Variants in WLS observed in about 807,000 individuals in gnomAD.
WLS encodes the protein Wnt ligand secretion mediator.
In WLS, 23 loss-of-function variants were observed where a neutral mutation model predicts 62.8. The ratio of observed to expected loss-of-function variants is 0.37; its 90% confidence interval spans 0.26 to 0.52. The LOEUF is 0.52. Ranked by LOEUF, WLS falls within the 20% of genes least tolerant of loss-of-function variation. The pLI is 0.92. For synonymous variants in WLS, 246 were observed against 244.1 expected, an observed-to-expected ratio of 1.01 and a Z score of -0.07; for missense variants, 615 against 697.3, an observed-to-expected ratio of 0.88 and a Z score of 1.33.
intron 11 of WLS, among the ~76,000 whole-genome samples, chr1:68,114,970 C>T (rs1646272056): frequency 6.6e-6 from 1 of 152,204 alleles, no homozygotes; most frequent in Non-Finnish European, 1.5e-5. Flanking sequence ...CAGCACAGTG[C>T]TGGACTGCAG....
intron 11 of WLS, among the ~76,000 whole-genome samples, chr1:68,116,292 C>A (rs1402850304): frequency 6.6e-6 from 1 of 152,184 alleles, no homozygotes; most frequent in Non-Finnish European, 1.5e-5. Context: ...GCATACACTT[C>A]TTATGGATGA....
chr1:68,162,351 T>C (rs1646989756), intron 2 of WLS: 20 of 1,613,936 alleles, frequency 1.2e-5, no homozygotes, highest in Non-Finnish European at 1.7e-5. Context: ...GGTGGTTATG[T>C]TCGTTGAGAT....
chr1:68,115,407 A>G (rs565214622), intron 11 of WLS, among the ~76,000 whole-genome samples: 1 of 152,348 alleles, frequency 6.6e-6, no homozygotes, highest in South Asian at 2.1e-4. Context: ...TTCACGAGGC[A>G]GTCCCTGGGG....
Position 68,154,660 on chromosome 1 carries a change from A to T in WLS, c.666+439T>A, listed in dbSNP as rs1337530691. On this transcript the variant is annotated intron_variant, in intron 4 of 11. Transcript: ENST00000262348. ...TGTGTCTCTACACAATTCTTGTGGGACTTTGTTGAGATTGAAAAGAAATGG... is the reference window on the plus strand; with the variant it reads ...TGTGTCTCTACACAATTCTTGTGGGTCTTTGTTGAGATTGAAAAGAAATGG... 1.3e-5 allele frequency among the ~76,000 whole-genome samples: 2 copies of T among 152,212 alleles called. 1 individual carries two copies. The highest frequency in any genetic ancestry group is 2.9e-5 in the Non-Finnish European group (2 of 68,038).
intron 2 of WLS, among the ~76,000 whole-genome samples, chr1:68,168,016 C>T (rs1177330811): frequency 1.3e-5 from 2 of 152,074 alleles, no homozygotes; most frequent in Non-Finnish European, 1.5e-5. Context: ...ACTGCCCTGC[C>T]CTGCTTGAGA....
chr1:68,231,840 G>C, intron 1 of WLS: 1 of 428,208 alleles, frequency 2.3e-6, no homozygotes, highest in Non-Finnish European at 4.3e-6. Context: ...GGAAAAGGGG[G>C]GGAACGCGGG....
In WLS at chr1:68,226,720, G is replaced by A. The variant is rs116099962; in HGVS notation, c.106+5474C>T. On this transcript the variant is annotated intron_variant, in intron 1 of 11. Coordinates refer to ENST00000262348, the MANE Select transcript of WLS (RefSeq NM_024911.7). ...CTCTTTACCAACCCCGTGTCGGCATGTAGCCCCATCCTGAGCACACAGTAC... is the reference window on the plus strand; with the variant it reads ...CTCTTTACCAACCCCGTGTCGGCATATAGCCCCATCCTGAGCACACAGTAC... 3.6e-3 allele frequency among the ~76,000 whole-genome samples: 544 copies of A among 152,250 alleles called. 3 individuals are homozygous for A. Among genetic ancestry groups the A allele is most frequent in the African/African-American group, 0.012 (515 of 41,522 alleles).
At chr1:68,132,078 T>C (rs1442638623) in intron 11 of WLS, among the ~76,000 whole-genome samples, 2 of 152,182 alleles carry the variant, frequency 1.3e-5, no homozygotes, top group Non-Finnish European at 2.9e-5. Flanking sequence ...AGAAGGTAAC[T>C]GAGATGTCCC....
At chr1:68,140,108 A>G (rs2566786) in intron 10 of WLS, among the ~76,000 whole-genome samples, 97,106 of 152,106 alleles carry the variant, frequency 0.64, 31,193 homozygotes, top group Non-Finnish European at 0.68. Context: ...TACATGAAAC[A>G]CATTATTTAG....
intron 11 of WLS, among the ~76,000 whole-genome samples, chr1:68,112,872 C>T (rs1293235486): frequency 6.6e-6 from 1 of 152,236 alleles, no homozygotes; most frequent in Non-Finnish European, 1.5e-5. Flanking sequence ...TCTTCCTGGC[C>T]TCTTGGACCA....
chr1:68,215,578 A>ATTTT (rs1481979864), intron 1 of WLS, among the ~76,000 whole-genome samples: 1 of 152,224 alleles, frequency 6.6e-6, no homozygotes, highest in Non-Finnish European at 1.5e-5. Flanking sequence ...AATTCACAAA[A>ATTTT]GTGAATTTAC....
chr1:68,110,006 G>GAAAAAAAAAAAAAAAAAAAAA (rs1557445730), intron 11 of WLS, among the ~76,000 whole-genome samples: 1 of 3,410 alleles, frequency 2.9e-4, no homozygotes, highest in Non-Finnish European at 5.9e-4. Context: ...AACACAAAAA[G>GAAAAAAAAAAAAAAAAAAAAA]TAAAAAAAAA....
intron 11 of WLS, among the ~76,000 whole-genome samples, chr1:68,101,882 C>T (rs1646083631): frequency 6.6e-6 from 1 of 152,218 alleles, no homozygotes; most frequent in Admixed American, 6.5e-5. Flanking sequence ...AAAATACGCT[C>T]TTAAAATTTC....
At position 68,155,279 on chromosome 1, in the gene WLS, G is replaced by A. The variant is rs762729572; in HGVS notation, c.505-19C>T. 4 of 1,600,256 alleles carry A rather than the reference G, an allele frequency of 2.5e-6. No individual in the cohort carries two copies. The highest frequency in any genetic ancestry group is 3.4e-6 in the Non-Finnish European group (4 of 1,173,112). On this transcript the variant is annotated intron_variant, in intron 3 of 11. Coordinates refer to ENST00000262348, the MANE Select transcript of WLS (RefSeq NM_024911.7). The stretch of plus-strand genomic sequence containing the variant: ...CTGGAGTCTGGAAAAAGAGCAGAGG[G>A]TTTGAGGCAGGGTCACTATTTCCAA...
chr1:68,161,709 CTTGGTCCCAAA>C, intron 2 of WLS: 1 of 1,372,482 alleles, frequency 7.3e-7, no homozygotes, highest in Non-Finnish European at 1.0e-6. Flanking sequence ...TTCACTATCT[CTTGGTCCCAAA>C]TGTATCTGAA....
chr1:68,231,856 G>GC (rs1650437706), intron 1 of WLS: 1 of 183,920 alleles, frequency 5.4e-6, no homozygotes, highest in Non-Finnish European at 9.9e-6. Context: ...GCGGGAAAAA[G>GC]CGGGGGGGGG....
At chr1:68,177,542 G>C (rs966895987) in intron 2 of WLS, among the ~76,000 whole-genome samples, 2 of 152,052 alleles carry the variant, frequency 1.3e-5, no homozygotes, top group African/African-American at 4.8e-5. Flanking sequence ...TATTTATTTA[G>C]AGACAGAATC....
In WLS at chr1:68,207,615, A is replaced by G. The variant is rs1011567082; in HGVS notation, c.107-13388T>C. Among the ~76,000 whole-genome samples the G allele has an allele frequency of 3.3e-5, 5 of 152,238 alleles. No homozygotes were observed. In the East Asian group the frequency reaches 9.6e-4, roughly 29 times the overall value. ...ACAGGAACGGTGCTTTATGTTGCTG[A>G]AGGCAATTACAAAAAGAGAGTAAGA... is the stretch of plus-strand genomic sequence containing the variant. On this transcript the variant is annotated intron_variant, in intron 1 of 11. Transcript: ENST00000262348.
At chr1:68,110,238 A>C (rs1225519068) in intron 11 of WLS, among the ~76,000 whole-genome samples, 2 of 151,908 alleles carry the variant, frequency 1.3e-5, no homozygotes, top group Non-Finnish European at 1.5e-5. Context: ...ATTTAAAATT[A>C]AGTTGAAAAA....
Sources: allele counts gnomAD v4.1 joint callset (sites outside exome capture counted in the v4.1 genomes callset), GRCh38; gene constraint gnomAD v4.1.1; transcripts MANE v1.5; gene names NCBI Gene and HGNC (gene_info 2026-07-23, HGNC 2026-07-21).